Variants in TTN observed in about 807,000 individuals in gnomAD.
The protein encoded by TTN is titin, also known as connectin.
Under a neutral mutation model 3,223.0 loss-of-function variants are expected in TTN, and 1,525 were observed. The observed-to-expected ratio is 0.47, with a 90% CI of 0.45 to 0.49. The LOEUF is 0.49. TTN is among the 20% of genes least tolerant of loss of function. The pLI is 0.00. For synonymous variants in TTN, 14,094 were observed against 15,161.0 expected (o/e 0.93, Z 5.17); for missense variants, 40,786 against 43,424.0 (o/e 0.94, Z 5.40).
chr2:178,610,874 G>C, intron 270 of TTN, 119 bp downstream of exon 270: 1 of 1,234,816 alleles, frequency 8.1e-7, no homozygotes, highest in Non-Finnish European at 1.1e-6. Context: ...AATCAGAAGT[G>C]ACATTTAGTT....
Position 178,641,303 on chromosome 2 carries a change from CT to C in TTN, c.40570del (p.Arg13524AspfsTer9). The C allele has an allele frequency of 6.7e-7, 1 of 1,496,260 alleles. No individual in the cohort carries two copies. The highest frequency in any genetic ancestry group is 2.5e-5 in the Admixed American group (1 of 39,234). 92.7% of individuals were successfully genotyped at this position (1,496,260 alleles called of 1,614,324 possible). A position where few individuals can be genotyped will look rare whatever the true frequency, so the allele number is the denominator to read the frequency against. On this transcript the variant is annotated frameshift_variant, in exon 220 of 363. Coordinates refer to ENST00000589042, the MANE Select transcript of TTN (RefSeq NM_001267550.2). LOFTEE classifies it high-confidence loss of function. ...EVVLKSVLRK[R>X]PEEEEPKVEP... ...TACTTTAGGTTCTTCTTCTTCAGGT[CT>C]TTTTCTTAGAACTTTAAAGACAAAA...
chr2:178,780,146 C>G lies in TTN; in HGVS notation c.3583G>C (p.Ala1195Pro). 1 of 1,613,834 alleles carries G rather than the reference C, an allele frequency of 6.2e-7. No individual in the cohort carries two copies. The highest frequency in any genetic ancestry group is 1.3e-5 in the African/African-American group (1 of 75,026). ...CCAACTTTAGGTTCTTGAACAAATG[C>G]AGTCACTTGTGTCTGATAAAGCATT... is the stretch of plus-strand genomic sequence containing the variant. ...QEMLYQTQVT[A>P]FVQEPKVGET... The change falls in exon 22 of 363, where the codon GCA becomes CCA. Residue 1195 changes from alanine (A) to proline (P), a missense_variant. Coordinates refer to ENST00000589042, the MANE Select transcript of TTN (RefSeq NM_001267550.2).
rs1363580617 is a variant in TTN at position 178,710,673 on chromosome 2, A to C, written c.28424T>G (p.Val9475Gly). 3 of 1,612,814 alleles carry C rather than the reference A, an allele frequency of 1.9e-6. No individual in the cohort carries two copies. The African/African-American group carries it at 4.0e-5, about 22-fold the overall frequency. ...CTGAGCTGTGCAAGAGTCTTTTCCC[A>C]CTTCATTCACAGCATAGCAGGTATA... ...GQYTCYAVNE[V>G]GKDSCTAQLN... is the part of the protein sequence containing the mutation. The change falls in exon 98 of 363, where the codon GTG becomes GGG. Residue 9475 changes from valine (V) to glycine (G), a missense_variant. Coordinates refer to ENST00000589042, the MANE Select transcript of TTN (RefSeq NM_001267550.2).
At position 178,706,621 on chromosome 2, in the gene TTN, G is replaced by A. The variant is rs771825568; in HGVS notation, c.29253C>T (p.Gly9751=). 54 of 1,613,690 alleles carry A rather than the reference G, an allele frequency of 3.3e-5. No individual in the cohort carries two copies. Among genetic ancestry groups the A allele is most frequent in the South Asian group, 5.5e-5 (5 of 91,086 alleles). Residue 9751 remains glycine, a synonymous_variant, in exon 102 of 363, where the codon GGC becomes GGT. Transcript: ENST00000589042. The part of the protein sequence containing the change: ...QGGRVFIHQK[G]DEAKLEIRDT... ...CCCTAATCTCCAGTTTTGCTTCATC[G>A]CCTTTTTGGTGGATGAAAACACGAC...
intron 221 of TTN, 80 bp downstream of exon 221, chr2:178,640,461 C>T: frequency 7.8e-7 from 1 of 1,289,196 alleles, no homozygotes; most frequent in Non-Finnish European, 1.1e-6. Flanking sequence ...GTGTTCAAAT[C>T]TTGATGTCAG....
At chr2:178,691,322 C>CA (rs1365557488) in intron 121 of TTN, among the ~76,000 whole-genome samples, 4 of 151,974 alleles carry the variant, frequency 2.6e-5, no homozygotes, top group Admixed American at 2.0e-4. Context: ...CTTTTATCGC[C>CA]AAAAAAATCC....
intron 128 of TTN, 68 bp from the exon 129 acceptor site, chr2:178,685,398 C>A: frequency 6.8e-7 from 1 of 1,479,382 alleles, no homozygotes; most frequent in Non-Finnish European, 9.2e-7. Context: ...TGTAAGGGAT[C>A]TTTTTATTAG....
rs918516226 is a variant in TTN at position 178,552,436 on chromosome 2, T to C, written c.90464A>G (p.Tyr30155Cys). The C allele has an allele frequency of 1.9e-6, 3 of 1,602,402 alleles. No individual in the cohort carries two copies. The highest frequency in any genetic ancestry group is 1.3e-5 in the African/African-American group (1 of 74,722). Residue 30155 changes from tyrosine to cysteine, a missense_variant, in exon 335 of 363, where the codon TAT becomes TGT. By Grantham distance (194) the Tyr-to-Cys change is radical. Coordinates refer to ENST00000589042, the MANE Select transcript of TTN (RefSeq NM_001267550.2). ...IGHNVHLELP[Y>C]KGKPKPSISW... ...GATGGATGGTTTGGGTTTTCCCTTA[T>C]AAGGTAATTCAAGGTGCACATTGTG...
At chr2:178,697,747 CTTCG>C (rs2073981179) in intron 112 of TTN, among the ~76,000 whole-genome samples, 1 of 152,148 alleles carries the variant, frequency 6.6e-6, no homozygotes, top group Non-Finnish European at 1.5e-5. Flanking sequence ...TCCTAAAAAT[CTTCG>C]AGGATATATT....
In TTN at chr2:178,569,317, A is replaced by G; in HGVS notation, c.76815T>C (p.Pro25605=). The part of the protein sequence containing the change: ...TVRVLDTPSP[P]VNLKVTEITK... ...TGATTTCTGTGACTTTCAGGTTAAC[A>G]GGTGGACTTGGCGTGTCCAGAACTC... The change falls in exon 326 of 363, where the codon CCT becomes CCC. Residue 25605 remains proline (P), a synonymous_variant. Coordinates refer to ENST00000589042, the MANE Select transcript of TTN (RefSeq NM_001267550.2). 1 of 1,612,884 alleles carries G rather than the reference A, an allele frequency of 6.2e-7. No individual in the cohort carries two copies. The highest frequency in any genetic ancestry group is 1.1e-5 in the South Asian group (1 of 90,880).
intron 240 of TTN, 77 bp from the exon 241 acceptor site, chr2:178,625,473 A>C: frequency 7.1e-7 from 1 of 1,418,322 alleles, no homozygotes; most frequent in East Asian, 2.7e-5. Flanking sequence ...AGATAAAAAT[A>C]AATGGAAATA....
At chr2:178,689,434 G>C in intron 123 of TTN, 61 bp from the exon 124 acceptor site, 1 of 1,604,818 alleles carries the variant, frequency 6.2e-7, no homozygotes, top group Non-Finnish European at 8.5e-7. Flanking sequence ...GAGCAACATA[G>C]AAGTGGCAAT....
In TTN at chr2:178,620,696, T is replaced by C. The variant is rs1350153866; in HGVS notation, c.45895+19A>G. On this transcript the variant is annotated intron_variant, in intron 247 of 362. Transcript: ENST00000589042. Reference sequence around the variant, plus strand: ...CAGAAACTGATGAAAAAATCTCTAGTGGTATATAAATTACTTACCTTCTAC... The same window carrying C: ...CAGAAACTGATGAAAAAATCTCTAGCGGTATATAAATTACTTACCTTCTAC... The C allele has an allele frequency of 6.2e-7, 1 of 1,609,702 alleles. No homozygotes were observed. The highest frequency in any genetic ancestry group is 1.1e-5 in the South Asian group (1 of 89,846).
In TTN at chr2:178,797,653, T is replaced by G. The variant is rs149912936; in HGVS notation, c.914+1834A>C. ...ATATACTGTTTCTAGGCTGGTGTTG[T>G]CTACCTTGTAGCCATTTTATGTTTA... On this transcript the variant is annotated intron_variant, in intron 6 of 362. Coordinates refer to ENST00000589042, the MANE Select transcript of TTN (RefSeq NM_001267550.2). Among the ~76,000 whole-genome samples the G allele has an allele frequency of 2.0e-3, 312 of 152,294 alleles. 8 individuals carry two copies. In the South Asian group the frequency reaches 0.025, roughly 12 times the overall value.
chr2:178,766,109 T>C (rs931358596), intron 41 of TTN, among the ~76,000 whole-genome samples: 2 of 152,174 alleles, frequency 1.3e-5, no homozygotes, highest in Non-Finnish European at 2.9e-5. Flanking sequence ...CTGGGGTATA[T>C]GAAAATGGAC....
rs1576280173 is a variant in TTN at position 178,601,044 on chromosome 2, T to C, written c.55860A>G (p.Ala18620=). The C allele has an allele frequency of 6.2e-7, 1 of 1,612,982 alleles. No homozygotes were observed. Among genetic ancestry groups the C allele is most frequent in the Non-Finnish European group, 8.5e-7 (1 of 1,179,352 alleles). ...CTTTCTTTGTCCCAGTAGGGTCCCA[T>C]GCAAGGCACTCAACAATATAGTGGG... ...PVTHYIVECL[A]WDPTGTKKEA... The change falls in exon 288 of 363, where the codon GCA becomes GCG. Residue 18620 remains alanine, a synonymous_variant. Coordinates refer to ENST00000589042, the MANE Select transcript of TTN (RefSeq NM_001267550.2).
Position 178,537,865 on chromosome 2 carries a change from C to G in TTN, c.99342G>C (p.Leu33114Phe), listed in dbSNP as rs1203503394. Residue 33114 changes from leucine (L) to phenylalanine (F), a missense_variant, in exon 355 of 363, where the codon TTG becomes TTC. Coordinates refer to ENST00000589042, the MANE Select transcript of TTN (RefSeq NM_001267550.2). Reference protein sequence around the residue: ...RKEMKDVTTKLGEAAQLSCQI... With the variant: ...RKEMKDVTTKFGEAAQLSCQI... Reference sequence around the variant, plus strand: ...GGCATGAGAGTTGAGCAGCTTCACCCAATTTTGTGGTAACATCCTTCATTT... The same window carrying G: ...GGCATGAGAGTTGAGCAGCTTCACCGAATTTTGTGGTAACATCCTTCATTT... The G allele has an allele frequency of 1.9e-6, 3 of 1,613,250 alleles. No homozygotes were observed. The highest frequency in any genetic ancestry group is 1.6e-4 in the Middle Eastern group (1 of 6,076).
At position 178,684,372 on chromosome 2, in the gene TTN, G is replaced by T. The variant is rs745933292; in HGVS notation, c.32680C>A (p.Leu10894Ile). 2.5e-6 allele frequency: 4 copies of T among 1,613,504 alleles called. No individual in the cohort carries two copies. Among genetic ancestry groups the T allele is most frequent in the Non-Finnish European group, 3.4e-6 (4 of 1,179,602 alleles). ...HMQITQEEKV[L>I]VAVTKKEAPP... ...GCCTCTTTTTTAGTTACAGCAACAA[G>T]AACTTTTTCTTCCTGGGTAATTTGC... The change falls in exon 132 of 363, where the codon CTT (leucine) becomes ATT (isoleucine). Residue 10894 changes from leucine (L) to isoleucine (I), a missense_variant. By Grantham distance (5) the Leu-to-Ile change is conservative (BLOSUM62 2). Transcript: ENST00000589042.
Position 178,769,827 on chromosome 2 carries a change from A to C in TTN, c.8754T>G (p.Gly2918=), listed in dbSNP as rs774883468. 3 of 1,613,724 alleles carry C rather than the reference A, an allele frequency of 1.9e-6. No individual in the cohort carries two copies. Among genetic ancestry groups the C allele is most frequent in the Non-Finnish European group, 2.5e-6 (3 of 1,179,914 alleles). ...FNVPSMWLKN[G]VEIEMSEKFK... ...ACTTTTCACTCATCTCAATTTCCAC[A>C]CCATTCTTCAGCCACATGGAAGGGA... Residue 2918 remains glycine, a synonymous_variant, in exon 37 of 363, where the codon GGT becomes GGG. Coordinates refer to ENST00000589042, the MANE Select transcript of TTN (RefSeq NM_001267550.2).
Sources: allele counts gnomAD v4.1 joint callset (sites outside exome capture counted in the v4.1 genomes callset), GRCh38; gene constraint gnomAD v4.1.1; transcripts MANE v1.5; gene names NCBI Gene and HGNC (gene_info 2026-07-23, HGNC 2026-07-21).